The following MYO7B variants were observed in gnomAD, a reference collection of about 807,000 sequenced individuals.
MYO7B encodes the protein myosin VIIB, also known as unconventional myosin-VIIb.
Under a neutral mutation model 259.7 loss-of-function variants are expected in MYO7B, and 212 were observed. That is an observed-to-expected ratio of 0.82 (90% CI 0.73 to 0.91). The LOEUF (loss-of-function observed/expected upper bound fraction) is 0.91. Among genes scored for constraint, MYO7B ranks in the 40% least tolerant of loss-of-function variants. The pLI is 0.00. For missense variants in MYO7B, 2,732 were observed against 2,813.5 expected, an observed-to-expected ratio of 0.97 and a Z score of 0.66; for synonymous variants, 1,197 against 1,166.4, an observed-to-expected ratio of 1.03 and a Z score of -0.54.
intron 36 of MYO7B, 40 bp downstream of exon 36, chr2:127,630,948 TCCCAGCCC>T (rs1206603885): frequency 1.4e-6 from 2 of 1,439,200 alleles, no homozygotes; most frequent in Non-Finnish European, 1.9e-6. Flanking sequence ...CACCCCCACC[TCCCAGCCC>T]CACCTCACCT....
intron 26 of MYO7B, 105 bp downstream of exon 26, chr2:127,612,708 G>T: frequency 6.8e-7 from 1 of 1,477,164 alleles, no homozygotes. Context: ...ACACCTCCTT[G>T]TCCTGCGGCC....
chr2:127,626,960 A>G lies in MYO7B; in HGVS notation c.4216-15A>G. On this transcript the variant is annotated splice_polypyrimidine_tract_variant and intron_variant, in intron 31 of 47. Coordinates refer to ENST00000409816, the MANE Select transcript of MYO7B (RefSeq NM_001393586.1). ...AAGGCAGGTGACGGAGGTGACATCC[A>G]GGATCCCCCCTCAGGCCCCATACAC... The G allele has an allele frequency of 6.3e-7, 1 of 1,599,696 alleles. No homozygotes were observed. Among genetic ancestry groups the G allele is most frequent in the Non-Finnish European group, 8.5e-7 (1 of 1,171,590 alleles).
At position 127,624,093 on chromosome 2, in the gene MYO7B, T is replaced by A; in HGVS notation, c.3820T>A (p.Phe1274Ile). 8 of 1,562,036 alleles carry A rather than the reference T, an allele frequency of 5.1e-6. No individual in the cohort carries two copies. The highest frequency in any genetic ancestry group is 6.9e-6 in the Non-Finnish European group (8 of 1,154,132). ...CCCTGCTCCCCGACTCTGGCCTCAG[T>A]TCTGGTCCCTGGGCAGCGGGCGCGA... ...FSLQVAVYDK[F>I]WSLGSGRDHM... Residue 1274 changes from phenylalanine (F) to isoleucine (I), a missense_variant and splice_region_variant, in exon 30 of 48, where the codon TTC (phenylalanine) becomes ATC (isoleucine). Coordinates refer to ENST00000409816, the MANE Select transcript of MYO7B (RefSeq NM_001393586.1).
intron 20 of MYO7B, among the ~76,000 whole-genome samples, chr2:127,606,693 T>C (rs1680165626): frequency 6.6e-6 from 1 of 152,198 alleles, no homozygotes; most frequent in Non-Finnish European, 1.5e-5. Flanking sequence ...GGCAGGTCTT[T>C]AGGAAGCCCA....
At chr2:127,549,679 G>A (rs1165226022) in intron 1 of MYO7B, among the ~76,000 whole-genome samples, 2 of 152,198 alleles carry the variant, frequency 1.3e-5, no homozygotes, top group Admixed American at 6.5e-5. Context: ...TGTGCCCATG[G>A]CATATCTGAG....
In MYO7B at chr2:127,611,505, C is replaced by T. The variant is rs1386049463; in HGVS notation, c.3193-745C>T. ...TTAAATATCCATGACGTGCCCCAGA[C>T]ACAGAGCAGTGAGCCCAGCAAGCCT... On this transcript the variant is annotated intron_variant, in intron 24 of 47. Transcript: ENST00000409816. The surrounding 1 kb of genome is among the most constrained non-coding windows in gnomAD (Gnocchi z 5.4). 2.0e-5 allele frequency among the ~76,000 whole-genome samples: 3 copies of T among 152,194 alleles called. No individual in the cohort carries two copies. Among genetic ancestry groups the T allele is most frequent in the Non-Finnish European group, 4.4e-5 (3 of 68,022 alleles).
At chr2:127,623,678 C>T (rs184841620) in intron 29 of MYO7B, among the ~76,000 whole-genome samples, 15 of 152,300 alleles carry the variant, frequency 9.8e-5, no homozygotes, top group African/African-American at 3.6e-4. Context: ...ACACCAGTCT[C>T]CTGCTCCAAA....
Position 127,569,779 on chromosome 2 carries a change from C to G in MYO7B, c.471-10C>G. On this transcript the variant is annotated splice_polypyrimidine_tract_variant and intron_variant, in intron 5 of 47. Transcript: ENST00000409816. Reference sequence around the variant, plus strand: ...TTGTGGCATCATGTCCCTGCACACCCTTTTTGCAGCGGCGAGTCTGGGGCT... The same window carrying G: ...TTGTGGCATCATGTCCCTGCACACCGTTTTTGCAGCGGCGAGTCTGGGGCT... The G allele has an allele frequency of 2.5e-6, 4 of 1,608,708 alleles. No individual in the cohort carries two copies. The highest frequency in any genetic ancestry group is 3.4e-6 in the Non-Finnish European group (4 of 1,176,376).
intron 1 of MYO7B, among the ~76,000 whole-genome samples, chr2:127,551,500 T>C (rs1693441880): frequency 2.0e-5 from 3 of 152,184 alleles, no homozygotes; most frequent in Non-Finnish European, 2.9e-5. Flanking sequence ...AAGGCTCTAC[T>C]CCATTCCTTC....
rs900446491 is a variant in MYO7B at position 127,624,319 on chromosome 2, A to C, written c.4046A>C (p.Lys1349Thr). ...GVWSGEYSFE[K>T]EEELVELLAR... ...TGGTCTGGCGAGTACAGCTTCGAGA[A>C]GGTGAGGGGCCTGAGAGCCAGGTCC... is the stretch of plus-strand genomic sequence containing the variant. The change falls in exon 30 of 48, where the codon AAG becomes ACG. Residue 1349 changes from lysine (K) to threonine (T), a missense_variant and splice_region_variant. Physicochemically the swap from Lys to Thr is moderately conservative, Grantham distance 78. Around this residue, in one of 3 missense-constraint regions of MYO7B, gnomAD observed 1,906 missense variants for 2,026.4 expected, o/e 0.94. Coordinates refer to ENST00000409816, the MANE Select transcript of MYO7B (RefSeq NM_001393586.1). 1.0e-5 allele frequency: 16 copies of C among 1,569,572 alleles called. No individual in the cohort carries two copies. The highest frequency in any genetic ancestry group is 1.4e-5 in the African/African-American group (1 of 73,874).
At chr2:127,555,121 G>A (rs559648632) in intron 1 of MYO7B, among the ~76,000 whole-genome samples, 5 of 151,998 alleles carry the variant, frequency 3.3e-5, no homozygotes, top group Admixed American at 1.3e-4. Flanking sequence ...CTAATTTTTT[G>A]TATTTTTGTT....
In MYO7B at chr2:127,586,786, G is replaced by A. The variant is rs1241829966; in HGVS notation, c.1691-1606G>A. 6.6e-6 allele frequency among the ~76,000 whole-genome samples: 1 copy of A among 152,154 alleles called. No homozygotes were observed. Among genetic ancestry groups the A allele is most frequent in the African/African-American group, 2.4e-5 (1 of 41,426 alleles). ...TTTATTTTGGATACCATGCTGTGCT[G>A]ATGACCTCAGCTTTACTTACTCTGC... On this transcript the variant is annotated intron_variant, in intron 14 of 47. Coordinates refer to ENST00000409816, the MANE Select transcript of MYO7B (RefSeq NM_001393586.1). This position sits in a 1 kb window ranked among gnomAD's most constrained non-coding sequence, Gnocchi z 4.8.
Position 127,592,821 on chromosome 2 carries a change from C to T in MYO7B, c.2020C>T (p.Gln674Ter). Residue 674 changes from glutamine (Q) to a stop codon, truncating the protein, a stop_gained, in exon 17 of 48, where the codon CAG becomes TAG. Transcript: ENST00000409816. LOFTEE classifies it high-confidence loss of function. ...GTTCGACCGGGAGCTGTGCCTGCGGCAGCTGCGATACTCGGGCATGATGGA... is the reference window on the plus strand; with the variant it reads ...GTTCGACCGGGAGCTGTGCCTGCGGTAGCTGCGATACTCGGGCATGATGGA... ...LLFDRELCLR[Q>*]LRYSGMMETV... 2 of 1,610,036 alleles carry T rather than the reference C, an allele frequency of 1.2e-6. No individual in the cohort carries two copies. Among genetic ancestry groups the T allele is most frequent in the South Asian group, 2.2e-5 (2 of 90,418 alleles).
At position 127,564,235 on chromosome 2, in the gene MYO7B, G is replaced by A. The variant is rs758277108; in HGVS notation, c.101G>A (p.Gly34Asp). Reference protein sequence around the residue: ...IGGIIKEAKPGKVLVEDDEGK... With the variant: ...IGGIIKEAKPDKVLVEDDEGK... ...GGCATCATCAAAGAGGCAAAGCCAG[G>A]CAAAGTCTTGGTTGAAGATGACGAG... The change falls in exon 3 of 48, where the codon GGC becomes GAC. Residue 34 changes from glycine to aspartate, a missense_variant. Coordinates refer to ENST00000409816, the MANE Select transcript of MYO7B (RefSeq NM_001393586.1). The A allele has an allele frequency of 1.3e-5, 21 of 1,579,304 alleles. No individual in the cohort carries two copies. In the Admixed American group the frequency reaches 3.9e-4, roughly 29 times the overall value.
chr2:127,629,170 T>G (rs1292631903), intron 34 of MYO7B, among the ~76,000 whole-genome samples: 1 of 152,174 alleles, frequency 6.6e-6, no homozygotes, highest in Non-Finnish European at 1.5e-5. Flanking sequence ...AGGCTGTGTG[T>G]GGGGTCTTTG....
At position 127,577,275 on chromosome 2, in the gene MYO7B, C is replaced by G. The variant is rs72843352; in HGVS notation, c.849+567C>G. 8.8e-3 allele frequency among the ~76,000 whole-genome samples: 1,343 copies of G among 152,282 alleles called. 12 individuals carry two copies. The highest frequency in any genetic ancestry group is 0.015 in the Non-Finnish European group (1,015 of 68,010). ...TGGGATCTCTCCCATGCAACCCTCT[C>G]TCCTGGGTCCACTGCTCCAAGGCCT... On this transcript the variant is annotated intron_variant, in intron 8 of 47. Coordinates refer to ENST00000409816, the MANE Select transcript of MYO7B (RefSeq NM_001393586.1). The surrounding 1 kb of genome is among the most constrained non-coding windows in gnomAD (Gnocchi z 5.2).
chr2:127,565,153 G>A (rs1678276250), intron 3 of MYO7B, 80 bp from the exon 4 acceptor site: 1 of 1,531,246 alleles, frequency 6.5e-7, no homozygotes, highest in African/African-American at 1.4e-5. Flanking sequence ...TTGCTGCTGA[G>A]AACTTGGAGG....
chr2:127,629,669 AG>A lies in MYO7B; in HGVS notation c.4650del (p.Lys1551ArgfsTer52), dbSNP rs1166935119. ...ATDDTTLLAFKKGDLLVLTKK... is the reference protein window; with the variant it reads ...ATDDTTLLAFXKGDLLVLTKK... ...GATGACACCACCCTCCTGGCCTTCAAGAAGGGGGACCTGTTGGTCCTCACAA... is the reference window on the plus strand; with the variant it reads ...GATGACACCACCCTCCTGGCCTTCAAAAGGGGGACCTGTTGGTCCTCACAA... On this transcript the variant is annotated frameshift_variant, in exon 35 of 48. Coordinates refer to ENST00000409816, the MANE Select transcript of MYO7B (RefSeq NM_001393586.1). LOFTEE classifies it high-confidence loss of function. 6.2e-7 allele frequency: 1 copy of A among 1,612,252 alleles called. No homozygotes were observed. The highest frequency in any genetic ancestry group is 1.3e-5 in the African/African-American group (1 of 74,906).
At position 127,578,277 on chromosome 2, in the gene MYO7B, G is replaced by C; in HGVS notation, c.994G>C (p.Gly332Arg). ...LAAILHLGNVGFMASVFENLD... is the reference protein window; with the variant it reads ...LAAILHLGNVRFMASVFENLD... ...TGCCATTCTCCACCTGGGGAATGTGGGGTTCATGGGTAATGCCGGTTCTGC... is the reference window on the plus strand; with the variant it reads ...TGCCATTCTCCACCTGGGGAATGTGCGGTTCATGGGTAATGCCGGTTCTGC... The change falls in exon 9 of 48, where the codon GGG (glycine) becomes CGG (arginine). Residue 332 changes from glycine (G) to arginine (R), a missense_variant. Physicochemically the swap from Gly to Arg is moderately radical, Grantham distance 125. Around this residue, in one of 3 missense-constraint regions of MYO7B, gnomAD observed 1,906 missense variants for 2,026.4 expected, o/e 0.94. Transcript: ENST00000409816. 2 of 1,613,674 alleles carry C rather than the reference G, an allele frequency of 1.2e-6. No homozygotes were observed. Among genetic ancestry groups the C allele is most frequent in the South Asian group, 2.2e-5 (2 of 91,052 alleles).
Sources: allele counts gnomAD v4.1 joint callset (sites outside exome capture counted in the v4.1 genomes callset), GRCh38; gene constraint gnomAD v4.1.1; regional missense constraint gnomAD v4.1.1; non-coding constraint Gnocchi (gnomAD v3.1); transcripts MANE v1.5; gene names NCBI Gene and HGNC (gene_info 2026-07-23, HGNC 2026-07-21).